COL25A1: variants seen among roughly 807,000 people sequenced by gnomAD.
COL25A1 encodes the protein collagen type XXV alpha 1 chain.
COL25A1 carries 103 observed loss-of-function variants against 128.4 expected under a neutral mutation model. That is an observed-to-expected ratio of 0.80 (90% CI 0.68 to 0.94). The LOEUF is 0.94. COL25A1 is among the 40% of genes least tolerant of loss of function. The pLI is 0.00. For missense variants in COL25A1, 745 were observed against 840.0 expected (o/e 0.89, Z 1.40); for synonymous variants, 279 against 277.2 (o/e 1.01, Z -0.06).
chr4:109,265,260 G>A (rs1187604670), intron 3 of COL25A1, among the ~76,000 whole-genome samples: 3 of 152,070 alleles, frequency 2.0e-5, no homozygotes, highest in African/African-American at 7.2e-5. Flanking sequence ...ACATTCGGGA[G>A]CTGAAACACT....
At chr4:108,861,934 A>G (rs764370280) in intron 22 of COL25A1, among the ~76,000 whole-genome samples, 16 of 152,272 alleles carry the variant, frequency 1.1e-4, no homozygotes, top group Admixed American at 7.2e-4. Flanking sequence ...ATTTGCTATG[A>G]ATGAAGCATT....
chr4:108,904,363 C>T (rs1265998510), intron 13 of COL25A1, among the ~76,000 whole-genome samples: 4 of 152,010 alleles, frequency 2.6e-5, no homozygotes, highest in Non-Finnish European at 5.9e-5. Flanking sequence ...TAATTGAGTT[C>T]ATGAAACATT....
intron 6 of COL25A1, among the ~76,000 whole-genome samples, chr4:108,990,496 C>T (rs1225165810): frequency 6.6e-6 from 1 of 151,654 alleles, no homozygotes; most frequent in Non-Finnish European, 1.5e-5. Context: ...TATGCTATAA[C>T]CATATCTAAC....
At chr4:109,207,966 T>C (rs1192825112) in intron 3 of COL25A1, among the ~76,000 whole-genome samples, 1 of 152,206 alleles carries the variant, frequency 6.6e-6, no homozygotes. Context: ...AGACCTCTTC[T>C]AGTCTTTCTA....
intron 3 of COL25A1, among the ~76,000 whole-genome samples, chr4:109,059,254 A>G (rs924575427): frequency 1.3e-5 from 2 of 152,236 alleles, no homozygotes; most frequent in Non-Finnish European, 2.9e-5. Flanking sequence ...TTGGAAAGTG[A>G]TGATATAGAC....
At chr4:108,946,823 A>T (rs993174127) in intron 8 of COL25A1, among the ~76,000 whole-genome samples, 2 of 152,222 alleles carry the variant, frequency 1.3e-5, no homozygotes, top group African/African-American at 2.4e-5. Context: ...AACTGAAGAT[A>T]GACCATTTAG....
At chr4:108,861,503 G>A (rs1190907403) in intron 22 of COL25A1, among the ~76,000 whole-genome samples, 2 of 152,178 alleles carry the variant, frequency 1.3e-5, no homozygotes, top group African/African-American at 4.8e-5. Flanking sequence ...TGTAGGTATA[G>A]GCATTTTAAC....
chr4:109,129,977 T>C (rs368344976), intron 3 of COL25A1, among the ~76,000 whole-genome samples: 22 of 148,558 alleles, frequency 1.5e-4, no homozygotes, highest in South Asian at 1.3e-3. Flanking sequence ...AATGTGCACA[T>C]GTACCCTAAA....
intron 6 of COL25A1, among the ~76,000 whole-genome samples, chr4:109,001,831 A>G (rs1243672949): frequency 6.6e-6 from 1 of 152,132 alleles, no homozygotes; most frequent in Non-Finnish European, 1.5e-5. Flanking sequence ...CTTGGAAGGG[A>G]TGGGTCTGAA....
At chr4:109,243,155 A>G (rs1353430224) in intron 3 of COL25A1, among the ~76,000 whole-genome samples, 1 of 152,102 alleles carries the variant, frequency 6.6e-6, no homozygotes, top group Non-Finnish European at 1.5e-5. Flanking sequence ...TGAATCTTCA[A>G]CTAATAGTTC....
intron 19 of COL25A1, among the ~76,000 whole-genome samples, chr4:108,870,031 T>A (rs1324255312): frequency 6.6e-6 from 1 of 152,068 alleles, no homozygotes; most frequent in African/African-American, 2.4e-5. Flanking sequence ...GGTGGGTGGA[T>A]CACTTGAGTC....
At chr4:108,984,446 G>A (rs1158915380) in intron 6 of COL25A1, among the ~76,000 whole-genome samples, 6 of 152,100 alleles carry the variant, frequency 3.9e-5, no homozygotes, top group South Asian at 2.1e-4. Context: ...CGGGGGCGGC[G>A]CTCATTGGGG....
chr4:108,937,306 G>C (rs1747540961), intron 11 of COL25A1, among the ~76,000 whole-genome samples: 1 of 151,874 alleles, frequency 6.6e-6, no homozygotes, highest in African/African-American at 2.4e-5. Context: ...GTGTCTATGA[G>C]TAAGTCCATG....
chr4:108,974,436 A>C (rs765822838), intron 7 of COL25A1, 43 bp from the exon 8 acceptor site: 1 of 1,612,048 alleles, frequency 6.2e-7, no homozygotes, highest in Non-Finnish European at 8.5e-7. Flanking sequence ...GCCAAAATTT[A>C]TACATGATGT....
At chr4:108,839,275 C>T (rs1734151864) in intron 31 of COL25A1, among the ~76,000 whole-genome samples, 1 of 152,154 alleles carries the variant, frequency 6.6e-6, no homozygotes, top group Admixed American at 6.6e-5. Flanking sequence ...TTCTGGGAAA[C>T]ACTGAGCTAG....
chr4:109,231,215 T>G (rs1560904270), intron 3 of COL25A1, among the ~76,000 whole-genome samples: 1 of 152,060 alleles, frequency 6.6e-6, no homozygotes, highest in African/African-American at 2.4e-5. Context: ...ATAAAATTAT[T>G]CATGGCCAGT....
intron 3 of COL25A1, among the ~76,000 whole-genome samples, chr4:109,235,766 T>C (rs1210677376): frequency 6.6e-6 from 1 of 152,118 alleles, no homozygotes; most frequent in Non-Finnish European, 1.5e-5. Context: ...GCATAGATTG[T>C]ACAATTAGGG....
At chr4:108,851,612 C>T (rs1735785054) in intron 26 of COL25A1, among the ~76,000 whole-genome samples, 1 of 152,170 alleles carries the variant, frequency 6.6e-6, no homozygotes, top group African/African-American at 2.4e-5. Context: ...ATTGATCAAA[C>T]ATGGTTGAAT....
At chr4:109,020,970 T>C (rs1035964832) in intron 5 of COL25A1, among the ~76,000 whole-genome samples, 1 of 152,210 alleles carries the variant, frequency 6.6e-6, no homozygotes, top group African/African-American at 2.4e-5. Context: ...GAGCATTCCA[T>C]AGAAGCTTTT....
Sources: gnomAD v4.1 joint callset for allele counts (sites outside exome capture counted in the v4.1 genomes callset) on GRCh38, gnomAD v4.1.1 for gene constraint, MANE v1.5 for transcripts, NCBI Gene and HGNC (gene_info 2026-07-23, HGNC 2026-07-21) for gene names.